The following GRK1 variants were observed in gnomAD, a reference collection of about 807,000 sequenced individuals.
The protein encoded by GRK1 is rhodopsin kinase GRK1.
A neutral mutation model predicts 41.7 loss-of-function variants in GRK1; 28 were observed. The observed-to-expected ratio is 0.67, with a 90% confidence interval of 0.50 to 0.92. GRK1 has a LOEUF of 0.92. GRK1 is among the 40% of genes least tolerant of loss of function. GRK1 has a pLI of 0.00. For synonymous variants in GRK1, 327 were observed against 286.7 expected (o/e 1.14, Z -1.42); for missense variants, 703 against 671.2 (o/e 1.05, Z -0.52).
chr13:113,655,030 G>A, the GRK1 span: 50 of 1,533,154 alleles, frequency 3.3e-5, no homozygotes, highest in Admixed American at 2.9e-4. Context: ...GTGATGTGGC[G>A]TGACCATCTT....
Position 113,671,485 on chromosome 13 carries a change from G to A in GRK1, c.828-14G>A, listed in dbSNP as rs377216114. 3.9e-5 allele frequency: 30 copies of A among 778,546 alleles called. No individual in the cohort carries two copies. The highest frequency in any genetic ancestry group is 2.7e-4 in the African/African-American group (16 of 59,110). 48.2% of individuals were successfully genotyped at this position (778,546 alleles called of 1,614,324 possible). A position where few individuals can be genotyped will look rare whatever the true frequency, so the allele number is the denominator to read the frequency against. ...TAAACCCGGGGTGCATGGTTCCCAC[G>A]TGTCTTCCCCCAGGTACCACATCTA... On this transcript the variant is annotated splice_polypyrimidine_tract_variant and intron_variant, in intron 2 of 6. Coordinates refer to ENST00000335678, the MANE Select transcript of GRK1 (RefSeq NM_002929.3). The surrounding 1 kb of genome is among the most constrained non-coding windows in gnomAD (Gnocchi z 4.1).
chr13:113,651,575 G>T, the GRK1 span: 1 of 1,341,042 alleles, frequency 7.5e-7, no homozygotes, highest in South Asian at 1.7e-5. Flanking sequence ...TGACATTCCT[G>T]GAGAGAACCA....
At chr13:113,733,499 ATGTG>A (rs1274417081) in intron 6 of GRK1, among the ~76,000 whole-genome samples, 1 of 148,068 alleles carries the variant, frequency 6.8e-6, no homozygotes, top group African/African-American at 2.6e-5. Context: ...GCGTGTGTGT[ATGTG>A]TGTGCACGTG....
At chr13:113,663,149 A>G (rs2049799819), upstream of GRK1, among the ~76,000 whole-genome samples, 3 of 152,202 alleles carry the variant, frequency 2.0e-5, no homozygotes, top group Admixed American at 2.0e-4. Context: ...AGACACATAG[A>G]TCAATGGAAC....
In GRK1 at chr13:113,735,575, G is replaced by A. The variant is rs1350032053; in HGVS notation, c.*212G>A. The stretch of plus-strand genomic sequence containing the variant: ...GCACATGCTGGTGCCGTGAGCCCCC[G>A]ACTGCATATTTCACGTCTTTTGCTC... On this transcript the variant is annotated 3_prime_UTR_variant, in exon 7 of 7. Coordinates refer to ENST00000335678, the MANE Select transcript of GRK1 (RefSeq NM_002929.3). 13 of 502,172 alleles carry A rather than the reference G, an allele frequency of 2.6e-5. No individual in the cohort carries two copies. The highest frequency in any genetic ancestry group is 1.4e-4 in the African/African-American group (7 of 51,654). 31.1% of individuals were successfully genotyped at this position (502,172 alleles called of 1,614,324 possible). A position where few individuals can be genotyped will look rare whatever the true frequency, so the allele number is the denominator to read the frequency against.
chr13:113,733,805 G>A (rs776433113), intron 6 of GRK1, among the ~76,000 whole-genome samples: 19 of 105,018 alleles, frequency 1.8e-4, no homozygotes, highest in Non-Finnish European at 3.8e-4. Context: ...ATGTGTATCT[G>A]TGTGCATACG....
At chr13:113,649,228 C>T in the GRK1 span, 7 of 909,244 alleles carry the variant, frequency 7.7e-6, no homozygotes, top group Non-Finnish European at 1.1e-5. The surrounding 1 kb of genome is among the most constrained non-coding windows in gnomAD (Gnocchi z 4.7). Flanking sequence ...GTGGGCGCTT[C>T]TCTGGAGTTC....
intron 6 of GRK1, among the ~76,000 whole-genome samples, chr13:113,733,555 G>A (rs1247321273): frequency 2.0e-5 from 3 of 151,118 alleles, no homozygotes; most frequent in African/African-American, 7.3e-5. Flanking sequence ...GTGCGCGCAC[G>A]TGTGTCCATG....
intron 4 of GRK1, among the ~76,000 whole-genome samples, chr13:113,730,582 A>G (rs982066472): frequency 6.6e-6 from 1 of 150,958 alleles, no homozygotes; most frequent in African/African-American, 2.5e-5. Flanking sequence ...CTCCATCCTG[A>G]GTCCCCGTGG....
intron 4 of GRK1, chr13:113,726,606 A>C (rs2140724911): frequency 6.5e-6 from 1 of 154,824 alleles, no homozygotes; most frequent in South Asian, 1.7e-4. Context: ...GTCCCTCAGG[A>C]GGCCTGGGGC....
intron 4 of GRK1, 40 bp downstream of exon 4, chr13:113,723,197 G>A (rs1254104558): frequency 4.4e-6 from 3 of 688,448 alleles, no homozygotes; most frequent in Non-Finnish European, 5.4e-6. Context: ...CCGTGCATGG[G>A]TTACGTCCCT....
intron 6 of GRK1, among the ~76,000 whole-genome samples, chr13:113,733,664 T>TGG (rs1566699561): frequency 1.7e-5 from 2 of 116,344 alleles, no homozygotes; most frequent in Admixed American, 1.6e-4. Context: ...TGTGTGTGCG[T>TGG]GTGTGCACGT....
chr13:113,653,075 G>A, the GRK1 span: 2 of 1,605,308 alleles, frequency 1.2e-6, no homozygotes, highest in Middle Eastern at 1.7e-4. Context: ...AGAGTAGCCT[G>A]CAGACGGACG....
At chr13:113,655,047 C>G in the GRK1 span, 1 of 1,457,968 alleles carries the variant, frequency 6.9e-7, no homozygotes, top group Non-Finnish European at 9.3e-7. Flanking sequence ...TCTTCCCTAC[C>G]TAGTTCCAGA....
the GRK1 span, among the ~76,000 whole-genome samples, chr13:113,655,170 C>A: frequency 6.6e-6 from 1 of 152,212 alleles, no homozygotes. Flanking sequence ...GTCTGGACGT[C>A]CACATAGGCA....
Position 113,671,675 on chromosome 13 carries a change from TGGGAG to T in GRK1, c.985+22_985+26del. Reference sequence around the variant, plus strand: ...AATGACGGTAGGAGGTGCCCTCGGCTGGGAGGGATGAGGGCTACGAGGAGGGCGGG... The same window carrying T: ...AATGACGGTAGGAGGTGCCCTCGGCTGGATGAGGGCTACGAGGAGGGCGGG... On this transcript the variant is annotated intron_variant, in intron 3 of 6. Coordinates refer to ENST00000335678, the MANE Select transcript of GRK1 (RefSeq NM_002929.3). The surrounding 1 kb of genome is among the most constrained non-coding windows in gnomAD (Gnocchi z 4.1). The T allele has an allele frequency of 1.4e-6, 1 of 735,960 alleles. No homozygotes were observed. Among genetic ancestry groups the T allele is most frequent in the East Asian group, 2.5e-5 (1 of 39,412 alleles). The allele number at this position is 735,960 out of a possible 1,614,324, so 45.6% of individuals were successfully genotyped here.
the GRK1 span, among the ~76,000 whole-genome samples, chr13:113,657,582 C>T: frequency 6.6e-6 from 1 of 152,250 alleles, no homozygotes; most frequent in Non-Finnish European, 1.5e-5. Flanking sequence ...CTCCCCACCT[C>T]CGCATCTGGA....
chr13:113,733,918 G>A lies in GRK1; in HGVS notation c.1396+833G>A, dbSNP rs553449007. ...GTGTGTATGTGTGCATACAGTGTGC[G>A]TGTGTGCATGTGTGCATACGTGTGT... is the stretch of plus-strand genomic sequence containing the variant. On this transcript the variant is annotated intron_variant, in intron 6 of 6. Coordinates refer to ENST00000335678, the MANE Select transcript of GRK1 (RefSeq NM_002929.3). Among the ~76,000 whole-genome samples, 565 of 130,544 alleles carry A rather than the reference G, an allele frequency of 4.3e-3. 8 individuals carry two copies. Among genetic ancestry groups the A allele is most frequent in the African/African-American group, 0.019 (537 of 27,922 alleles). 85.6% of individuals were successfully genotyped at this position (130,544 alleles called of 152,430 possible).
Position 113,731,454 on chromosome 13 carries a change from G to A in GRK1, c.1194+111G>A. On this transcript the variant is annotated intron_variant, in intron 5 of 6. Coordinates refer to ENST00000335678, the MANE Select transcript of GRK1 (RefSeq NM_002929.3). The surrounding 1 kb of genome is among the most constrained non-coding windows in gnomAD (Gnocchi z 5.6). ...GGGCAGACCTGGGAGTTGTTCTGTG[G>A]GCCCTGGGGTGGGGAGGGCACAGAT... 2.8e-6 allele frequency: 4 copies of A among 1,439,648 alleles called. No individual in the cohort carries two copies. Among genetic ancestry groups the A allele is most frequent in the South Asian group, 2.7e-5 (2 of 74,610 alleles). 89.2% of individuals were successfully genotyped at this position (1,439,648 alleles called of 1,614,324 possible). A position where few individuals can be genotyped will look rare whatever the true frequency, so the allele number is the denominator to read the frequency against.
Sources: gnomAD v4.1 joint callset for allele counts (sites outside exome capture counted in the v4.1 genomes callset) on GRCh38, gnomAD v4.1.1 for gene constraint, Gnocchi (gnomAD v3.1) non-coding constraint, MANE v1.5 for transcripts, NCBI Gene and HGNC (gene_info 2026-07-23, HGNC 2026-07-21) for gene names.